Variants in DSC2 observed in about 807,000 individuals in gnomAD.
DSC2 encodes the protein desmocollin-2.
In DSC2, 51 loss-of-function variants were observed where a neutral mutation model predicts 87.6. The observed-to-expected ratio is 0.58, with a 90% CI of 0.46 to 0.74. DSC2 has a LOEUF of 0.74. DSC2 is among the 30% of genes least tolerant of loss of function. The probability of loss-of-function intolerance (pLI) is 0.00; values close to 1 mark genes in which losing one functional copy is unlikely to be tolerated. For synonymous variants in DSC2, 383 were observed against 393.2 expected (o/e 0.97, Z 0.31); for missense variants, 1,066 against 1,089.5 (o/e 0.98, Z 0.30).
rs2144813027 is a variant in DSC2, at chr18:31,079,974, A to T, written c.1536T>A (p.Thr512=). The change falls in exon 11 of 16, where the codon ACT becomes ACA. Residue 512 remains threonine, a synonymous_variant. Coordinates refer to ENST00000280904, the MANE Select transcript of DSC2 (RefSeq NM_024422.6). ...SSSGIRYKKL[T]DPTGWVTIDE... The stretch of plus-strand genomic sequence containing the variant: ...CAATGGTGACCCACCCTGTTGGATC[A>T]GTTAATTTCTTATACCTGTTGGTAA... 1.2e-6 allele frequency: 2 copies of T among 1,613,952 alleles called. No homozygotes were observed. Among genetic ancestry groups the T allele is most frequent in the Non-Finnish European group, 1.7e-6 (2 of 1,179,902 alleles).
intron 11 of DSC2, among the ~76,000 whole-genome samples, chr18:31,079,319 T>A (rs770061008): frequency 1.3e-5 from 2 of 152,198 alleles, no homozygotes; most frequent in Non-Finnish European, 2.9e-5. Flanking sequence ...AGTGGCGCGA[T>A]CTTGGCTAAC....
At position 31,102,266 on chromosome 18, in the gene DSC2, C is replaced by T. The variant is rs529956256; in HGVS notation, c.-295G>A. 6.0e-6 allele frequency: 2 copies of T among 335,516 alleles called. No homozygotes were observed. Among genetic ancestry groups the T allele is most frequent in the Non-Finnish European group, 1.1e-5 (2 of 187,204 alleles). 20.8% of individuals were successfully genotyped at this position (335,516 alleles called of 1,614,324 possible). A position where few individuals can be genotyped will look rare whatever the true frequency, so the allele number is the denominator to read the frequency against. On this transcript the variant is annotated 5_prime_UTR_variant, in exon 1 of 16. It adds an upstream start codon to the 5' untranslated region. Coordinates refer to ENST00000280904, the MANE Select transcript of DSC2 (RefSeq NM_024422.6). ...AGACTTCATTTCTCTAAGAAAGCCA[C>T]GGGTGGGAACTCCCTCTCGCCGCCA...
intron 1 of DSC2, among the ~76,000 whole-genome samples, chr18:31,096,915 T>G (rs1391145093): frequency 6.6e-6 from 1 of 151,864 alleles, no homozygotes; most frequent in East Asian, 1.9e-4. Flanking sequence ...CCCAAGCAAA[T>G]CAACCATTAC....
In DSC2 at chr18:31,101,036, T is replaced by C. The variant is rs1987927673; in HGVS notation, c.69+867A>G. ...CTCTGGGAAGGGGTAGGGTCATTGC[T>C]GTAGTGCTCTTTAAAGAAAGAAAGA... On this transcript the variant is annotated intron_variant, in intron 1 of 15. Coordinates refer to ENST00000280904, the MANE Select transcript of DSC2 (RefSeq NM_024422.6). Among the ~76,000 whole-genome samples, 3 of 151,682 alleles carry C rather than the reference T, an allele frequency of 2.0e-5. No individual in the cohort carries two copies. In the South Asian group the frequency reaches 6.3e-4, roughly 32 times the overall value.
rs549986406 is a variant in DSC2, at chr18:31,070,914, T to C, written c.2126-64A>G. On this transcript the variant is annotated intron_variant, in intron 13 of 15. Transcript: ENST00000280904. ...ATAATATGAAGTTATAAATGTACAA[T>C]GGTTAATACACACATAAATCATAAA... 1.3e-5 allele frequency: 20 copies of C among 1,552,298 alleles called. No individual in the cohort carries two copies. The African/African-American group carries it at 2.5e-4, about 19-fold the overall frequency.
At chr18:31,096,131 T>A (rs148927490) in intron 1 of DSC2, among the ~76,000 whole-genome samples, 30 of 152,304 alleles carry the variant, frequency 2.0e-4, no homozygotes, top group African/African-American at 7.2e-4. Context: ...AGCTTTATAT[T>A]TGAATGTGAT....
chr18:31,089,197 TGGTACTGTTGTGGGGGAAAAA>T (rs1987505591), intron 5 of DSC2, among the ~76,000 whole-genome samples: 1 of 142,458 alleles, frequency 7.0e-6, no homozygotes, highest in Non-Finnish European at 1.5e-5. Flanking sequence ...TTCTTCAAAG[TGGTACTGTTGTGGGGGAAAAA>T]AAAATAGTAA....
Position 31,082,320 on chromosome 18 carries a change from G to GTATA in DSC2, c.1177_1180dup (p.Thr394IlefsTer8). The GTATA allele has an allele frequency of 1.2e-6, 2 of 1,613,804 alleles. No homozygotes were observed. Among genetic ancestry groups the GTATA allele is most frequent in the Non-Finnish European group, 1.7e-6 (2 of 1,179,938 alleles). ...GCCATTTTCATTGCCCTTTAAAATG[G>GTATA]TATAATTAGCTCTCCAGTTAGCAGT... On this transcript the variant is annotated frameshift_variant, in exon 9 of 16. Transcript: ENST00000280904. LOFTEE classifies it high-confidence loss of function.
chr18:31,100,901 C>A (rs1008193217), intron 1 of DSC2, among the ~76,000 whole-genome samples: 5 of 152,152 alleles, frequency 3.3e-5, no homozygotes, highest in Non-Finnish European at 5.9e-5. Flanking sequence ...CCAGACGCTG[C>A]TCCCGGCATT....
chr18:31,085,825 T>C (rs1987377075), intron 7 of DSC2, among the ~76,000 whole-genome samples: 2 of 152,196 alleles, frequency 1.3e-5, no homozygotes, highest in South Asian at 2.1e-4. Context: ...TATAAGAATT[T>C]AGATGAATAA....
intron 12 of DSC2, among the ~76,000 whole-genome samples, chr18:31,072,069 TC>T (rs1986855997): frequency 6.6e-6 from 1 of 152,208 alleles, no homozygotes; most frequent in African/African-American, 2.4e-5. Context: ...TTAAACAAAG[TC>T]TTTTGGCTCT....
rs761028224 is a variant in DSC2, at chr18:31,059,717, G to A, written c.*8298C>T. The A allele has an allele frequency of 7.2e-5, 11 of 152,146 alleles. No homozygotes were observed. Among genetic ancestry groups the A allele is most frequent in the Non-Finnish European group, 1.3e-4 (9 of 68,016 alleles). 9.4% of individuals were successfully genotyped at this position (152,146 alleles called of 1,614,324 possible). ...TCACTCAATATCTTAGTGTATTACAGATAGTCTCATATTTATTTAAATGTG... is the reference window on the plus strand; with the variant it reads ...TCACTCAATATCTTAGTGTATTACAAATAGTCTCATATTTATTTAAATGTG... On this transcript the variant is annotated 3_prime_UTR_variant, in exon 16 of 16. Coordinates refer to ENST00000280904, the MANE Select transcript of DSC2 (RefSeq NM_024422.6).
At chr18:31,068,746 A>C (rs571612444) in intron 15 of DSC2, 148 bp downstream of exon 15, 84 of 1,113,754 alleles carry the variant, frequency 7.5e-5, no homozygotes, top group Non-Finnish European at 1.0e-4. Flanking sequence ...GAACATAACT[A>C]AATTAAAATT....
intron 5 of DSC2, 100 bp downstream of exon 5, chr18:31,089,339 A>T: frequency 7.2e-7 from 1 of 1,396,224 alleles, no homozygotes; most frequent in Middle Eastern, 1.8e-4. Context: ...AGCATTGGTG[A>T]CAAACTCAGA....
At chr18:31,070,416 C>T (rs992798603) in intron 14 of DSC2, among the ~76,000 whole-genome samples, 1 of 152,168 alleles carries the variant, frequency 6.6e-6, no homozygotes, top group African/African-American at 2.4e-5. Context: ...AGCATTTTTA[C>T]AGCACAAACA....
intron 9 of DSC2, among the ~76,000 whole-genome samples, chr18:31,081,159 C>G (rs1987206404): frequency 1.3e-5 from 2 of 151,946 alleles, no homozygotes; most frequent in Admixed American, 1.3e-4. Context: ...TTATTTGTAC[C>G]TGGTATGAGG....
intron 6 of DSC2, among the ~76,000 whole-genome samples, chr18:31,087,272 C>T (rs781633649): frequency 6.6e-6 from 1 of 152,234 alleles, no homozygotes; most frequent in African/African-American, 2.4e-5. Context: ...AGAGAACATC[C>T]GTACATATCT....
intron 1 of DSC2, among the ~76,000 whole-genome samples, chr18:31,094,793 A>C (rs1318627441): frequency 1.3e-5 from 2 of 152,248 alleles, no homozygotes; most frequent in African/African-American, 4.8e-5. Context: ...CACAATGAAG[A>C]CATTAGTTTT....
chr18:31,088,130 C>T (rs1309492954), intron 5 of DSC2, among the ~76,000 whole-genome samples: 1 of 152,106 alleles, frequency 6.6e-6, no homozygotes, highest in Non-Finnish European at 1.5e-5. Flanking sequence ...TTGAAGACTT[C>T]TTTATTTTGC....
Sources: gnomAD v4.1 joint callset for allele counts (sites outside exome capture counted in the v4.1 genomes callset) on GRCh38, gnomAD v4.1.1 for gene constraint, MANE v1.5 for transcripts, NCBI Gene and HGNC (gene_info 2026-07-23, HGNC 2026-07-21) for gene names.